The following AK8 variants were observed in gnomAD, a reference collection of about 807,000 sequenced individuals.
AK8 encodes ATP-AMP transphosphorylase 8.
Under a neutral mutation model 54.6 loss-of-function variants are expected in AK8, and 44 were observed. The ratio of observed to expected loss-of-function variants is 0.81; its 90% CI spans 0.63 to 1.04. The LOEUF (loss-of-function observed/expected upper bound fraction) is 1.04. Among genes scored for constraint, AK8 ranks in the 50% least tolerant of loss-of-function variants. The probability of loss-of-function intolerance (pLI) is 0.00; values close to 1 mark genes in which losing one functional copy is unlikely to be tolerated. For synonymous variants in AK8, 239 were observed against 245.6 expected (o/e 0.97, Z 0.25); for missense variants, 555 against 613.6 (o/e 0.90, Z 1.01).
intron 1 of AK8, among the ~76,000 whole-genome samples, chr9:132,876,911 A>C (rs1473081177): frequency 1.3e-5 from 2 of 151,894 alleles, no homozygotes; most frequent in African/African-American, 4.8e-5. Context: ...TTAAAAAAAA[A>C]ACATTAGCCA....
At chr9:132,739,268 G>A (rs144379202) in intron 11 of AK8, among the ~76,000 whole-genome samples, 1 of 150,742 alleles carries the variant, frequency 6.6e-6, no homozygotes, top group East Asian at 2.0e-4. Flanking sequence ...TGGCCAAGAC[G>A]GTGAGACCCC....
At chr9:132,754,573 A>C (rs1276521343) in intron 11 of AK8, among the ~76,000 whole-genome samples, 1 of 152,100 alleles carries the variant, frequency 6.6e-6, no homozygotes, top group Admixed American at 6.5e-5. Flanking sequence ...TAAAACTTTC[A>C]ATGGCCATTC....
chr9:132,871,584 C>T (rs1182937939), intron 2 of AK8, among the ~76,000 whole-genome samples: 5 of 152,232 alleles, frequency 3.3e-5, no homozygotes, highest in Non-Finnish European at 2.9e-5. Context: ...CTGGACTCAG[C>T]TATTCAGGAG....
chr9:132,841,077 A>G (rs2131345022), intron 5 of AK8, among the ~76,000 whole-genome samples: 1 of 152,330 alleles, frequency 6.6e-6, no homozygotes, highest in Admixed American at 6.5e-5. Context: ...GGATCGTCAC[A>G]TTTTAATCAG....
chr9:132,747,886 C>T (rs1837729815), intron 11 of AK8, among the ~76,000 whole-genome samples: 1 of 150,592 alleles, frequency 6.6e-6, no homozygotes, highest in African/African-American at 2.4e-5. Flanking sequence ...GAGGCCGAGG[C>T]AGGGGAGTTC....
At chr9:132,773,599 C>T (rs1839074990) in intron 11 of AK8, among the ~76,000 whole-genome samples, 1 of 152,162 alleles carries the variant, frequency 6.6e-6, no homozygotes, top group Admixed American at 6.5e-5. Context: ...TATTTGTTGC[C>T]TAACTGAATA....
chr9:132,871,608 G>A (rs565762208), intron 2 of AK8, among the ~76,000 whole-genome samples: 4 of 152,292 alleles, frequency 2.6e-5, no homozygotes, highest in Non-Finnish European at 5.9e-5. Context: ...AGACCCCCCC[G>A]GCTGGAGGCT....
chr9:132,818,417 T>C (rs540428353), intron 9 of AK8, among the ~76,000 whole-genome samples: 6 of 152,312 alleles, frequency 3.9e-5, no homozygotes, highest in African/African-American at 1.4e-4. Flanking sequence ...GTAAAATGTA[T>C]GTCAACTGTA....
intron 5 of AK8, among the ~76,000 whole-genome samples, chr9:132,835,046 T>A (rs909772372): frequency 1.3e-5 from 2 of 152,122 alleles, no homozygotes; most frequent in African/African-American, 4.8e-5. Context: ...ATGTTTTATA[T>A]TTTTTAGTAG....
chr9:132,873,719 C>T (rs557586773), intron 2 of AK8, among the ~76,000 whole-genome samples: 2 of 142,324 alleles, frequency 1.4e-5, no homozygotes, highest in Non-Finnish European at 3.1e-5. Flanking sequence ...CCAGCACCCA[C>T]TCGGCCTCAG....
At chr9:132,739,234 G>A (rs1435419348) in intron 11 of AK8, among the ~76,000 whole-genome samples, 2 of 151,552 alleles carry the variant, frequency 1.3e-5, no homozygotes, top group African/African-American at 4.8e-5. Context: ...TGGATTACCT[G>A]AGATTAGGAG....
At chr9:132,785,421 G>A (rs181904135) in intron 11 of AK8, among the ~76,000 whole-genome samples, 1 of 152,040 alleles carries the variant, frequency 6.6e-6, no homozygotes, top group African/African-American at 2.4e-5. Context: ...CATATGAAGG[G>A]GTCAAGATAT....
chr9:132,867,908 G>A (rs540724520), intron 2 of AK8, among the ~76,000 whole-genome samples: 7 of 152,354 alleles, frequency 4.6e-5, no homozygotes, highest in South Asian at 2.1e-4. Context: ...TGGGAAAAGA[G>A]CTGACCAGCA....
In AK8 at chr9:132,832,888, G is replaced by A. The variant is rs1031817357; in HGVS notation, c.403-4162C>T. ...GTGAAAATCTAAAAGGAAGAAGGTG[G>A]GGGGCTCTGGAGTGAGCCCTAGGCC... On this transcript the variant is annotated intron_variant, in intron 5 of 12. Coordinates refer to ENST00000298545, the MANE Select transcript of AK8 (RefSeq NM_152572.3). Among the ~76,000 whole-genome samples, 5 of 152,290 alleles carry A rather than the reference G, an allele frequency of 3.3e-5. 1 individual carries two copies. Among genetic ancestry groups the A allele is most frequent in the East Asian group, 1.9e-4 (1 of 5,184 alleles).
intron 5 of AK8, among the ~76,000 whole-genome samples, chr9:132,845,898 A>AT (rs1040488747): frequency 2.0e-5 from 2 of 97,644 alleles, no homozygotes; most frequent in African/African-American, 2.7e-5. Context: ...TGAGGTAGAA[A>AT]TTTTTTAAAA....
At chr9:132,870,641 G>A (rs1234468898) in intron 2 of AK8, among the ~76,000 whole-genome samples, 1 of 152,260 alleles carries the variant, frequency 6.6e-6, no homozygotes, top group Non-Finnish European at 1.5e-5. Flanking sequence ...AAGTGCCGGG[G>A]CTCCCTCTGC....
At chr9:132,726,573 T>A (rs1836585071) in intron 12 of AK8, among the ~76,000 whole-genome samples, 1 of 152,170 alleles carries the variant, frequency 6.6e-6, no homozygotes, top group Admixed American at 6.5e-5. Context: ...CGGCCTCTTG[T>A]TCCTTTTTCC....
chr9:132,777,308 C>A (rs185836561), intron 11 of AK8, among the ~76,000 whole-genome samples: 1 of 152,306 alleles, frequency 6.6e-6, no homozygotes, highest in African/African-American at 2.4e-5. Context: ...TGCCTCCCCG[C>A]ATCATCCCAT....
chr9:132,809,446 C>T lies in AK8; in HGVS notation c.979+5192G>A, dbSNP rs191093704. Among the ~76,000 whole-genome samples, 9 of 152,240 alleles carry T rather than the reference C, an allele frequency of 5.9e-5. No homozygotes were observed. In the South Asian group the frequency reaches 1.0e-3, roughly 18 times the overall value. ...CACTCCACGACAGGCCAAGTCCCTC[C>T]GGCTCTCCCATCCTCCCGCTGGCAG... On this transcript the variant is annotated intron_variant, in intron 10 of 12. Transcript: ENST00000298545.
Sources: allele counts gnomAD v4.1 joint callset (sites outside exome capture counted in the v4.1 genomes callset), GRCh38; gene constraint gnomAD v4.1.1; transcripts MANE v1.5; gene names NCBI Gene and HGNC (gene_info 2026-07-23, HGNC 2026-07-21).